Variants in HERC4 observed in about 807,000 individuals in gnomAD.
HERC4 encodes HECT and RLD domain containing E3 ubiquitin protein ligase 4, also known as probable E3 ubiquitin-protein ligase HERC4.
Under a neutral mutation model 124.3 loss-of-function variants are expected in HERC4, and 28 were observed. The observed-to-expected ratio is 0.23, with a 90% confidence interval of 0.17 to 0.31. The LOEUF (loss-of-function observed/expected upper bound fraction) is 0.31, where lower values mean the gene tolerates loss of function less well. HERC4 is among the 10% of genes least tolerant of loss of function. The pLI is 1.00. For missense variants in HERC4, 713 were observed against 1,229.3 expected, an observed-to-expected ratio of 0.58 and a Z score of 6.28; for synonymous variants, 407 against 421.5, an observed-to-expected ratio of 0.97 and a Z score of 0.42.
chr10:67,958,552 C>T (rs1024712092), intron 16 of HERC4, among the ~76,000 whole-genome samples: 5 of 152,072 alleles, frequency 3.3e-5, no homozygotes, highest in Admixed American at 6.5e-5. Flanking sequence ...ACATCTATAA[C>T]GGATAAAGAA....
chr10:68,018,993 CTTTTTTTT>C (rs35817479), intron 8 of HERC4, among the ~76,000 whole-genome samples: 1 of 88,016 alleles, frequency 1.1e-5, no homozygotes, highest in Non-Finnish European at 2.1e-5. Flanking sequence ...AGCATTCTTT[CTTTTTTTT>C]TTTTTTTTTT....
intron 4 of HERC4, 76 bp downstream of exon 4, chr10:68,044,328 G>C (rs1192938038): frequency 1.4e-6 from 2 of 1,419,020 alleles, no homozygotes; most frequent in Middle Eastern, 1.8e-4. Context: ...CAGGCCCAAA[G>C]ATAAGCAGAA....
At chr10:68,001,090 G>T (rs1373530855) in intron 9 of HERC4, among the ~76,000 whole-genome samples, 5 of 152,194 alleles carry the variant, frequency 3.3e-5, no homozygotes, top group African/African-American at 1.2e-4. Flanking sequence ...CCTTTTGTCA[G>T]CCGGGTGCAG....
At chr10:68,058,304 A>T (rs549612038) in intron 3 of HERC4, among the ~76,000 whole-genome samples, 20 of 152,186 alleles carry the variant, frequency 1.3e-4, no homozygotes, top group Admixed American at 4.6e-4. Context: ...CATGCCTAGC[A>T]CAATATCAAG....
chr10:67,929,444 A>G (rs768162094), intron 23 of HERC4, among the ~76,000 whole-genome samples: 13 of 152,228 alleles, frequency 8.5e-5, no homozygotes, highest in Non-Finnish European at 1.5e-4. Context: ...GGAGCCATAC[A>G]GTATGCAACC....
intron 23 of HERC4, among the ~76,000 whole-genome samples, chr10:67,928,894 C>G (rs1266987978): frequency 6.6e-6 from 1 of 151,870 alleles, no homozygotes. Context: ...GCACTCCAGC[C>G]TGGGCGACAG....
intron 2 of HERC4, 55 bp from the exon 3 acceptor site, chr10:68,073,241 G>C: frequency 1.6e-6 from 1 of 636,314 alleles, no homozygotes; most frequent in Non-Finnish European, 2.7e-6. Context: ...ATGTATAATT[G>C]CTCTTTCAAG....
At chr10:67,967,457 G>A (rs943894740) in intron 15 of HERC4, among the ~76,000 whole-genome samples, 2 of 152,058 alleles carry the variant, frequency 1.3e-5, no homozygotes, top group Admixed American at 1.3e-4. Flanking sequence ...AATAATAATA[G>A]CAGCTAATGC....
rs561065364 is a variant in HERC4, at chr10:67,929,819, A to ATTTTTTTTTTTTTT, written c.2838+2777_2838+2778insAAAAAAAAAAAAAA. Among the ~76,000 whole-genome samples, 441 of 143,222 alleles carry ATTTTTTTTTTTTTT rather than the reference A, an allele frequency of 3.1e-3. 9 individuals carry two copies. Among genetic ancestry groups the ATTTTTTTTTTTTTT allele is most frequent in the African/African-American group, 0.012 (428 of 37,204 alleles). 94.0% of individuals were successfully genotyped at this position (143,222 alleles called of 152,430 possible). A position where few individuals can be genotyped will look rare whatever the true frequency, so the allele number is the denominator to read the frequency against. ...TGTGAGACACCACACCCAGCTGTGCATTTTTTTTTTGAGATGGAGTTTCAC... is the reference window on the plus strand; with the variant it reads ...TGTGAGACACCACACCCAGCTGTGCATTTTTTTTTTTTTTTTTTTTTTTTGAGATGGAGTTTCAC... On this transcript the variant is annotated intron_variant, in intron 23 of 24. Transcript: ENST00000373700.
chr10:68,066,503 T>A (rs1196881213), intron 3 of HERC4, among the ~76,000 whole-genome samples: 1 of 152,214 alleles, frequency 6.6e-6, no homozygotes, highest in Non-Finnish European at 1.5e-5. Flanking sequence ...TTTCCCTTTG[T>A]TAGACTGCTC....
chr10:67,944,021 ACT>A (rs570147995), intron 19 of HERC4, among the ~76,000 whole-genome samples: 118 of 152,254 alleles, frequency 7.8e-4, no homozygotes, highest in African/African-American at 2.6e-3. Flanking sequence ...ACTGAGGGGA[ACT>A]CTCTGCACTG....
At chr10:68,049,603 A>AAAAAAAC (rs1554827747) in intron 3 of HERC4, among the ~76,000 whole-genome samples, 12 of 150,978 alleles carry the variant, frequency 7.9e-5, no homozygotes, top group African/African-American at 2.4e-4. Context: ...AAAAAAAAAA[A>AAAAAAAC]AAAAAAAAAA....
intron 5 of HERC4, 110 bp from the exon 6 acceptor site, chr10:68,034,296 T>A: frequency 1.3e-6 from 1 of 758,196 alleles, no homozygotes; most frequent in South Asian, 1.8e-5. Flanking sequence ...TTTTGGGACA[T>A]TCTGCCTATC....
At position 67,963,330 on chromosome 10, in the gene HERC4, C is replaced by T. The variant is rs184481251; in HGVS notation, c.1926+3353G>A. Among the ~76,000 whole-genome samples, 1,194 of 152,240 alleles carry T rather than the reference C, an allele frequency of 7.8e-3. 24 individuals carry two copies. Among genetic ancestry groups the T allele is most frequent in the Admixed American group, 0.055 (838 of 15,296 alleles). On this transcript the variant is annotated intron_variant, in intron 16 of 24. Transcript: ENST00000373700. Reference sequence around the variant, plus strand: ...CTCCCGGGTTCAAGCCATTCTCCTGCCTCAGCCTCCTAAGTAGCTGGGATT... The same window carrying T: ...CTCCCGGGTTCAAGCCATTCTCCTGTCTCAGCCTCCTAAGTAGCTGGGATT...
intron 3 of HERC4, among the ~76,000 whole-genome samples, chr10:68,066,731 G>A (rs1438526153): frequency 6.6e-6 from 1 of 152,146 alleles, no homozygotes; most frequent in Non-Finnish European, 1.5e-5. Context: ...AGTTAGACAA[G>A]GGGATATATA....
At chr10:67,936,993 C>G (rs1446330273) in intron 21 of HERC4, among the ~76,000 whole-genome samples, 1 of 151,764 alleles carries the variant, frequency 6.6e-6, no homozygotes, top group East Asian at 1.9e-4. Flanking sequence ...AAAATGTTAT[C>G]AGATCATAGA....
chr10:68,044,527 G>A lies in HERC4; in HGVS notation c.263C>T (p.Ala88Val), dbSNP rs1453036184. 15 of 1,613,984 alleles carry A rather than the reference G, an allele frequency of 9.3e-6. No individual in the cohort carries two copies. Among genetic ancestry groups the A allele is most frequent in the Non-Finnish European group, 1.3e-5 (15 of 1,179,968 alleles). ...CGTATGAGCTTCTCCACATGAAACA[G>A]CTACAATATTTTGGGCATCCAGGGC... ...VVALDAQNIV[A>V]VSCGEAHTLA... Residue 88 changes from alanine to valine, a missense_variant, in exon 4 of 25, where the codon GCT becomes GTT. Coordinates refer to ENST00000373700, the MANE Select transcript of HERC4 (RefSeq NM_015601.4).
intron 14 of HERC4, among the ~76,000 whole-genome samples, chr10:67,989,933 G>C (rs562016098): frequency 6.6e-6 from 1 of 152,186 alleles, no homozygotes; most frequent in South Asian, 2.1e-4. Context: ...TAAAGGCGAT[G>C]AGGGAAAGGA....
At chr10:68,026,791 C>T (rs1436779983) in intron 7 of HERC4, among the ~76,000 whole-genome samples, 3 of 151,630 alleles carry the variant, frequency 2.0e-5, no homozygotes, top group Admixed American at 2.0e-4. Flanking sequence ...TGCAGTGAGC[C>T]GAGATCACGC....
Sources: allele counts gnomAD v4.1 joint callset (sites outside exome capture counted in the v4.1 genomes callset), GRCh38; gene constraint gnomAD v4.1.1; transcripts MANE v1.5; gene names NCBI Gene and HGNC (gene_info 2026-07-23, HGNC 2026-07-21).